Variants in CA13 observed in about 807,000 individuals in gnomAD.
CA13 encodes the protein CA-XIII.
A neutral mutation model predicts 31.5 loss-of-function variants in CA13; 21 were observed. The observed-to-expected ratio is 0.67, with a 90% CI of 0.47 to 0.96. The LOEUF (loss-of-function observed/expected upper bound fraction) is 0.96, where lower values mean the gene tolerates loss of function less well. Among genes scored for constraint, CA13 ranks in the 40% least tolerant of loss-of-function variants. CA13 has a pLI of 0.00. For missense variants in CA13, 315 were observed against 318.9 expected (o/e 0.99, Z 0.09); for synonymous variants, 117 against 111.4 (o/e 1.05, Z -0.32).
chr8:85,245,540 A>ACC lies in CA13; in HGVS notation c.-288_-287dup. The ACC allele has an allele frequency of 2.3e-6, 1 of 438,166 alleles. No individual in the cohort carries two copies. The highest frequency in any genetic ancestry group is 2.8e-5 in the South Asian group (1 of 35,210). The allele number at this position is 438,166 out of a possible 1,614,324, so 27.1% of individuals were successfully genotyped here. ...AGAAGGCAGGAGATCCCCCCCGGAA[A>ACC]CCTTTCTCTCTCCGTCTCTCCCTCT... On this transcript the variant is annotated 5_prime_UTR_variant, in exon 1 of 7. Coordinates refer to ENST00000321764, the MANE Select transcript of CA13 (RefSeq NM_198584.3).
chr8:85,268,837 A>G (rs1430730106), intron 6 of CA13, among the ~76,000 whole-genome samples: 1 of 152,204 alleles, frequency 6.6e-6, no homozygotes, highest in Admixed American at 6.5e-5. Flanking sequence ...TTAGAAATGT[A>G]CATAGCGACA....
chr8:85,280,553 A>G (rs145857186), intron 6 of CA13, among the ~76,000 whole-genome samples: 146 of 152,336 alleles, frequency 9.6e-4, no homozygotes, highest in African/African-American at 3.2e-3. Flanking sequence ...CTCATTCCTA[A>G]TAATTTGTCT....
Position 85,250,950 on chromosome 8 carries a change from T to C in CA13, c.235+13T>C. On this transcript the variant is annotated intron_variant, in intron 2 of 6. Transcript: ENST00000321764. ...GAGAACAAATCAGGTTGGCTTTTCT[T>C]TTTTTGTGTGTGTGGTGGTGGATGA... The C allele has an allele frequency of 1.9e-6, 3 of 1,609,028 alleles. No homozygotes were observed. The highest frequency in any genetic ancestry group is 2.6e-6 in the Non-Finnish European group (3 of 1,175,548).
intron 3 of CA13, among the ~76,000 whole-genome samples, chr8:85,260,145 T>C (rs1272343341): frequency 1.3e-5 from 2 of 152,234 alleles, no homozygotes; most frequent in African/African-American, 4.8e-5. Flanking sequence ...AAGCATTCAT[T>C]GAGTTGTTTC....
intron 6 of CA13, among the ~76,000 whole-genome samples, chr8:85,272,948 G>A (rs919037841): frequency 6.6e-6 from 1 of 152,186 alleles, no homozygotes; most frequent in Non-Finnish European, 1.5e-5. Context: ...CTCCTGAGTA[G>A]CTGGGATTAC....
At chr8:85,276,361 C>T (rs574172891) in intron 6 of CA13, among the ~76,000 whole-genome samples, 1 of 152,252 alleles carries the variant, frequency 6.6e-6, no homozygotes, top group Non-Finnish European at 1.5e-5. Context: ...TCGCTGCCCC[C>T]TGCTCCACGG....
intron 1 of CA13, 68 bp downstream of exon 1, chr8:85,245,933 G>A (rs1813718632): frequency 6.3e-7 from 1 of 1,578,922 alleles, no homozygotes; most frequent in African/African-American, 1.3e-5. Context: ...CGACGCCCCG[G>A]CGCTCGCTGA....
Position 85,283,369 on chromosome 8 carries a change from C to T in CA13, c.*2020C>T, listed in dbSNP as rs1324773356. 1 of 152,118 alleles carries T rather than the reference C, an allele frequency of 6.6e-6. No individual in the cohort carries two copies. Among genetic ancestry groups the T allele is most frequent in the Non-Finnish European group, 1.5e-5 (1 of 68,030 alleles). The allele number at this position is 152,118 out of a possible 1,614,324, so 9.4% of individuals were successfully genotyped here. A position where few individuals can be genotyped will look rare whatever the true frequency, so the allele number is the denominator to read the frequency against. ...AATTCTTTGGTCAATGTTCTTTTCC[C>T]CTCAGTGTCTAGTTTAAGGCTTTTA... On this transcript the variant is annotated 3_prime_UTR_variant, in exon 7 of 7. Coordinates refer to ENST00000321764, the MANE Select transcript of CA13 (RefSeq NM_198584.3).
intron 4 of CA13, among the ~76,000 whole-genome samples, 158 bp from the exon 5 acceptor site, chr8:85,267,744 T>G (rs1807476628): frequency 6.6e-6 from 1 of 152,250 alleles, no homozygotes; most frequent in African/African-American, 2.4e-5. Flanking sequence ...ATGATAAGGC[T>G]GGCAGGTAAA....
chr8:85,256,300 C>G (rs1221034999), intron 2 of CA13, among the ~76,000 whole-genome samples: 1 of 152,142 alleles, frequency 6.6e-6, no homozygotes, highest in African/African-American at 2.4e-5. Context: ...TTAGTAACTA[C>G]TACTACTAAC....
intron 6 of CA13, among the ~76,000 whole-genome samples, chr8:85,280,151 G>A (rs537367479): frequency 3.2e-4 from 48 of 152,182 alleles, no homozygotes; most frequent in African/African-American, 8.2e-4. Flanking sequence ...GCGGTGGCAC[G>A]TGCCTGTAGT....
intron 6 of CA13, among the ~76,000 whole-genome samples, chr8:85,277,167 C>T (rs538899126): frequency 6.6e-6 from 1 of 152,178 alleles, no homozygotes; most frequent in Non-Finnish European, 1.5e-5. Context: ...TTCTTCCACA[C>T]CGTGGAAGCT....
At chr8:85,279,169 A>C (rs992887173) in intron 6 of CA13, among the ~76,000 whole-genome samples, 1 of 152,242 alleles carries the variant, frequency 6.6e-6, no homozygotes, top group East Asian at 1.9e-4. Context: ...CCAGCAAAAC[A>C]GGTCATACCT....
In CA13 at chr8:85,265,724, A is replaced by C. The variant is rs182429323; in HGVS notation, c.355-884A>C. ...GTGCGAGATGACAAATATTTTAATT[A>C]GTTTGATTTAATCATTCCACATTTA... On this transcript the variant is annotated intron_variant, in intron 3 of 6. Coordinates refer to ENST00000321764, the MANE Select transcript of CA13 (RefSeq NM_198584.3). Among the ~76,000 whole-genome samples the C allele has an allele frequency of 5.3e-5, 8 of 152,352 alleles. No homozygotes were observed. The East Asian group carries it at 1.3e-3, about 26-fold the overall frequency.
At chr8:85,266,802 C>A in intron 4 of CA13, 99 bp downstream of exon 4, 3 of 814,704 alleles carry the variant, frequency 3.7e-6, no homozygotes, top group Admixed American at 2.7e-5. Flanking sequence ...ATAGTAAATT[C>A]ATTTTAGGTG....
chr8:85,271,661 GA>G (rs1443770914), intron 6 of CA13, among the ~76,000 whole-genome samples: 1 of 152,052 alleles, frequency 6.6e-6, no homozygotes, highest in Admixed American at 6.6e-5. Flanking sequence ...TCCTTTTAAA[GA>G]AAAAAACTCT....
chr8:85,257,804 T>C (rs1245304753), intron 2 of CA13, among the ~76,000 whole-genome samples: 1 of 149,464 alleles, frequency 6.7e-6, no homozygotes, highest in Non-Finnish European at 1.5e-5. Context: ...TTTTTTTTTT[T>C]TTCTTTTTGT....
At chr8:85,279,597 A>G (rs1807667370) in intron 6 of CA13, among the ~76,000 whole-genome samples, 1 of 152,190 alleles carries the variant, frequency 6.6e-6, no homozygotes, top group African/African-American at 2.4e-5. Flanking sequence ...ATCAAGTTCC[A>G]GAGGGGTTGA....
intron 1 of CA13, among the ~76,000 whole-genome samples, chr8:85,249,031 A>G (rs910694817): frequency 6.6e-6 from 1 of 152,246 alleles, no homozygotes; most frequent in Non-Finnish European, 1.5e-5. Flanking sequence ...ATTCTAAGCA[A>G]GGACTTCTGA....
Sources: allele counts gnomAD v4.1 joint callset (sites outside exome capture counted in the v4.1 genomes callset), GRCh38; gene constraint gnomAD v4.1.1; transcripts MANE v1.5; gene names NCBI Gene and HGNC (gene_info 2026-07-23, HGNC 2026-07-21).